The following KCNMA1 variants were observed in gnomAD, a reference collection of about 807,000 sequenced individuals.
KCNMA1 encodes Calcium-activated potassium channel subunit alpha-1.
A neutral mutation model predicts 140.0 loss-of-function variants in KCNMA1; 29 were observed. The observed-to-expected ratio is 0.21, with a 90% CI of 0.15 to 0.28. The LOEUF is 0.28. Ranked by LOEUF, KCNMA1 falls within the 10% of genes least tolerant of loss-of-function variation. The pLI is 1.00. For missense variants in KCNMA1, 880 were observed against 1,602.2 expected (o/e 0.55, Z 7.70); for synonymous variants, 612 against 611.9 (o/e 1.00, Z 0.00).
intron 2 of KCNMA1, among the ~76,000 whole-genome samples, chr10:77,329,582 T>A (rs1319427431): frequency 6.6e-6 from 1 of 152,232 alleles, no homozygotes; most frequent in Non-Finnish European, 1.5e-5. Context: ...CCACACAGTC[T>A]AGGTATTTTT....
intron 2 of KCNMA1, among the ~76,000 whole-genome samples, chr10:77,396,752 T>G (rs772748189): frequency 6.6e-6 from 1 of 152,206 alleles, no homozygotes; most frequent in African/African-American, 2.4e-5. Flanking sequence ...CATCGATAAA[T>G]CATCCCTATA....
At chr10:77,365,573 A>C (rs1310720542) in intron 2 of KCNMA1, among the ~76,000 whole-genome samples, 1 of 152,182 alleles carries the variant, frequency 6.6e-6, no homozygotes, top group Non-Finnish European at 1.5e-5. Flanking sequence ...GCCACTTTAC[A>C]AGGATTCACC....
chr10:77,028,498 C>G (rs1261945180), intron 15 of KCNMA1, among the ~76,000 whole-genome samples: 1 of 152,078 alleles, frequency 6.6e-6, no homozygotes, highest in Non-Finnish European at 1.5e-5. Flanking sequence ...CATCCCTTCC[C>G]TTGTGCGTTC....
intron 25 of KCNMA1, among the ~76,000 whole-genome samples, chr10:76,905,500 G>T (rs564539273): frequency 4.6e-5 from 7 of 152,160 alleles, no homozygotes; most frequent in Non-Finnish European, 1.0e-4. Context: ...TGTGGCCAGC[G>T]GCCTTGCCTT....
At chr10:76,915,072 G>T in intron 23 of KCNMA1, 23 bp from the exon 24 acceptor site, 1 of 1,560,046 alleles carries the variant, frequency 6.4e-7, no homozygotes, top group Non-Finnish European at 8.8e-7. Context: ...AAACAGAGGA[G>T]GAAGAAAAAT....
chr10:77,000,381 T>C (rs1252482765), intron 19 of KCNMA1, among the ~76,000 whole-genome samples: 1 of 152,176 alleles, frequency 6.6e-6, no homozygotes, highest in East Asian at 1.9e-4. Context: ...GGTCTCAAAC[T>C]GGAGCTTTCA....
At chr10:77,075,825 T>C (rs1166254924) in intron 13 of KCNMA1, among the ~76,000 whole-genome samples, 1 of 152,216 alleles carries the variant, frequency 6.6e-6, no homozygotes, top group African/African-American at 2.4e-5. Context: ...ATAAATCCTT[T>C]GTTTCTGGAA....
chr10:76,910,334 A>G, intron 24 of KCNMA1: 1 of 489,476 alleles, frequency 2.0e-6, no homozygotes, highest in African/African-American at 1.9e-5. Context: ...GGCTTGCTCC[A>G]CGGCAGGCCA....
intron 18 of KCNMA1, among the ~76,000 whole-genome samples, chr10:77,009,928 G>C (rs1186890968): frequency 1.3e-5 from 2 of 152,074 alleles, no homozygotes; most frequent in Non-Finnish European, 2.9e-5. Flanking sequence ...CATCATCATG[G>C]TTTGTCTCCA....
intron 1 of KCNMA1, among the ~76,000 whole-genome samples, chr10:77,437,856 G>A (rs11002165): frequency 6.2e-4 from 95 of 152,180 alleles, no homozygotes; most frequent in African/African-American, 2.1e-3. Context: ...GGCTGCATGC[G>A]ATCAGGAGTG....
intron 23 of KCNMA1, among the ~76,000 whole-genome samples, chr10:76,938,138 T>C (rs1241317472): frequency 6.6e-6 from 1 of 152,118 alleles, no homozygotes; most frequent in Non-Finnish European, 1.5e-5. Flanking sequence ...CTTGCCTCTC[T>C]CCCTCTCTCT....
chr10:77,579,886 A>G (rs2075350767), intron 1 of KCNMA1, among the ~76,000 whole-genome samples: 1 of 152,182 alleles, frequency 6.6e-6, no homozygotes, highest in African/African-American at 2.4e-5. Flanking sequence ...GTGTCCCCGG[A>G]TGTTTCTTCC....
intron 2 of KCNMA1, among the ~76,000 whole-genome samples, chr10:77,299,929 A>G (rs2076157638): frequency 2.6e-5 from 4 of 152,218 alleles, no homozygotes; most frequent in Admixed American, 2.6e-4. Context: ...CTGTGCTCAG[A>G]AAGGTGAAAG....
At chr10:77,475,679 A>C (rs1449582925) in intron 1 of KCNMA1, among the ~76,000 whole-genome samples, 1 of 152,190 alleles carries the variant, frequency 6.6e-6, no homozygotes, top group Non-Finnish European at 1.5e-5. Context: ...TTGTTATCAC[A>C]TGGCCTGCAA....
chr10:77,102,051 A>G (rs2097109934), intron 9 of KCNMA1, among the ~76,000 whole-genome samples: 1 of 152,180 alleles, frequency 6.6e-6, no homozygotes, highest in African/African-American at 2.4e-5. Flanking sequence ...TAGCTCAGAA[A>G]AGCTGTGGTA....
chr10:77,055,903 G>A (rs2095525667), intron 14 of KCNMA1, among the ~76,000 whole-genome samples: 1 of 152,184 alleles, frequency 6.6e-6, no homozygotes, highest in African/African-American at 2.4e-5. Flanking sequence ...ACGCTAAGCT[G>A]TGCATGGATG....
At chr10:77,607,156 T>G (rs865944190) in intron 1 of KCNMA1, among the ~76,000 whole-genome samples, 6 of 152,196 alleles carry the variant, frequency 3.9e-5, no homozygotes, top group Admixed American at 1.3e-4. Flanking sequence ...GAAAAGGGTC[T>G]GAGTAGGATG....
chr10:77,137,523 C>T (rs2098070621), intron 5 of KCNMA1, among the ~76,000 whole-genome samples: 1 of 152,130 alleles, frequency 6.6e-6, no homozygotes, highest in Non-Finnish European at 1.5e-5. Context: ...TGGTCCCCTG[C>T]ACCCTTCTGC....
chr10:77,505,525 G>A (rs2045517799), intron 1 of KCNMA1, among the ~76,000 whole-genome samples: 1 of 152,222 alleles, frequency 6.6e-6, no homozygotes, highest in African/African-American at 2.4e-5. Flanking sequence ...AGAGGAGAGA[G>A]ATGTTACTTC....
Sources: gnomAD v4.1 joint callset for allele counts (sites outside exome capture counted in the v4.1 genomes callset) on GRCh38, gnomAD v4.1.1 for gene constraint, MANE v1.5 for transcripts, NCBI Gene and HGNC (gene_info 2026-07-23, HGNC 2026-07-21) for gene names.